Variants in CEP128 observed in about 807,000 individuals in gnomAD.
CEP128 encodes centrosomal protein 128, also known as centrosomal protein 128kDa.
Under a neutral mutation model 156.7 loss-of-function variants are expected in CEP128, and 132 were observed. That is an observed-to-expected ratio of 0.84 (90% CI 0.73 to 0.97). CEP128 has a LOEUF of 0.97. CEP128 is among the 50% of genes least tolerant of loss of function. CEP128 has a pLI of 0.00. For synonymous variants in CEP128, 469 were observed against 448.9 expected, an observed-to-expected ratio of 1.04 and a Z score of -0.57; for missense variants, 1,252 against 1,281.9, an observed-to-expected ratio of 0.98 and a Z score of 0.36.
chr14:80,481,498 A>G (rs1001286353), intron 14 of CEP128, among the ~76,000 whole-genome samples: 1 of 152,210 alleles, frequency 6.6e-6, no homozygotes, highest in African/African-American at 2.4e-5. Flanking sequence ...TAATTCAAAG[A>G]TGGTTTGGTC....
chr14:80,752,689 T>C (rs1899455405), intron 18 of CEP128, among the ~76,000 whole-genome samples: 1 of 152,220 alleles, frequency 6.6e-6, no homozygotes, highest in South Asian at 2.1e-4. Context: ...TATTCAAGTG[T>C]GGATTACACA....
chr14:80,558,666 A>G (rs980545581), intron 21 of CEP128, among the ~76,000 whole-genome samples: 1 of 152,098 alleles, frequency 6.6e-6, no homozygotes, highest in Admixed American at 6.5e-5. Flanking sequence ...CAAATGATCC[A>G]CCTGCCTCGG....
intron 24 of CEP128, among the ~76,000 whole-genome samples, chr14:80,502,663 G>T (rs372232934): frequency 1.8e-4 from 28 of 152,166 alleles, no homozygotes; most frequent in African/African-American, 6.7e-4. Flanking sequence ...CTTGTTAAAT[G>T]TAGTGGATTT....
At chr14:80,799,438 T>C (rs1370206819) in intron 13 of CEP128, among the ~76,000 whole-genome samples, 1 of 152,120 alleles carries the variant, frequency 6.6e-6, no homozygotes, top group Admixed American at 6.5e-5. Context: ...ATGAAATCAG[T>C]GCACCTTGAA....
chr14:80,810,323 C>CAAAAAAAA lies in CEP128; in HGVS notation c.1210-17221_1210-17214dup, dbSNP rs71103883. 5.9e-4 allele frequency among the ~76,000 whole-genome samples: 9 copies of CAAAAAAAA among 15,206 alleles called. 2 individuals carry two copies. Among genetic ancestry groups the CAAAAAAAA allele is most frequent in the African/African-American group, 1.1e-3 (5 of 4,604 alleles). The allele number at this position is 15,206 out of a possible 152,430, so 10.0% of individuals were successfully genotyped here. A position where few individuals can be genotyped will look rare whatever the true frequency, so the allele number is the denominator to read the frequency against. ...GGGCGACAGAGCAAGACTCCATCTC[C>CAAAAAAAA]AAAAAAAAAAAAAAAAAAAAAAAAA... is the stretch of plus-strand genomic sequence containing the variant. On this transcript the variant is annotated intron_variant, in intron 13 of 24. Transcript: ENST00000555265.
At position 80,663,377 on chromosome 14, in the gene CEP128, G is replaced by T. The variant is rs75541510; in HGVS notation, c.2806+79698C>A. Among the ~76,000 whole-genome samples, 5 of 152,276 alleles carry T rather than the reference G, an allele frequency of 3.3e-5. No individual in the cohort carries two copies. The East Asian group carries it at 9.7e-4, about 29-fold the overall frequency. On this transcript the variant is annotated intron_variant, in intron 19 of 24. Transcript: ENST00000555265. ...GACCAGGCAATATGATCCACCTCCAGGGAGAAGTAGCAAAAGTTTTCAAAA... is the reference window on the plus strand; with the variant it reads ...GACCAGGCAATATGATCCACCTCCATGGAGAAGTAGCAAAAGTTTTCAAAA...
chr14:80,912,186 C>T (rs192457959), intron 4 of CEP128, among the ~76,000 whole-genome samples: 2 of 148,026 alleles, frequency 1.4e-5, no homozygotes, highest in African/African-American at 5.0e-5. Context: ...CACTGCATTC[C>T]AATCTGGTGA....
At chr14:80,590,545 G>A (rs1437857733) in intron 19 of CEP128, among the ~76,000 whole-genome samples, 15 of 151,490 alleles carry the variant, frequency 9.9e-5, no homozygotes, top group Admixed American at 9.9e-4. Flanking sequence ...ACATTCCTAG[G>A]AAGAAAAATT....
At chr14:80,765,810 T>C (rs1900208656) in intron 16 of CEP128, among the ~76,000 whole-genome samples, 1 of 152,156 alleles carries the variant, frequency 6.6e-6, no homozygotes, top group South Asian at 2.1e-4. Flanking sequence ...CTACATAACT[T>C]GACTAAAGTG....
At chr14:80,763,619 G>T (rs969415539) in intron 16 of CEP128, among the ~76,000 whole-genome samples, 1 of 151,732 alleles carries the variant, frequency 6.6e-6, no homozygotes, top group South Asian at 2.1e-4. Context: ...AGTATATTAG[G>T]TATATCATAA....
intron 19 of CEP128, among the ~76,000 whole-genome samples, chr14:80,721,745 T>C (rs1897824760): frequency 6.6e-6 from 1 of 152,210 alleles, no homozygotes; most frequent in African/African-American, 2.4e-5. Flanking sequence ...CAAGTCAGGA[T>C]ATAAATAAAT....
intron 9 of CEP128, among the ~76,000 whole-genome samples, chr14:80,861,876 A>T (rs1162965997): frequency 1.3e-5 from 2 of 152,194 alleles, no homozygotes; most frequent in Admixed American, 1.3e-4. Context: ...TAATCAGTTG[A>T]CTTTAAGATT....
At chr14:80,477,521 C>T (rs540361429) in exon 15 of CEP128, 45 of 152,292 alleles carry the variant, frequency 3.0e-4, no homozygotes, top group African/African-American at 9.6e-4. Flanking sequence ...GTTATCTATA[C>T]ATCTAAACCA....
At chr14:80,847,704 G>A (rs970310110) in intron 9 of CEP128, among the ~76,000 whole-genome samples, 6 of 152,118 alleles carry the variant, frequency 3.9e-5, no homozygotes, top group African/African-American at 1.2e-4. Context: ...GCCATAAAGA[G>A]GTAATTATTT....
At chr14:80,913,749 T>A (rs1884384810) in intron 4 of CEP128, among the ~76,000 whole-genome samples, 1 of 151,918 alleles carries the variant, frequency 6.6e-6, no homozygotes, top group East Asian at 1.9e-4. Flanking sequence ...AGTGGTATAA[T>A]GGACAGTGGA....
chr14:80,602,486 A>G (rs1245305667), intron 19 of CEP128, among the ~76,000 whole-genome samples: 1 of 152,176 alleles, frequency 6.6e-6, no homozygotes, highest in Admixed American at 6.5e-5. Flanking sequence ...ATAAATTAAA[A>G]GGAGGCTGGG....
chr14:80,657,120 T>C (rs2140880428), intron 19 of CEP128, among the ~76,000 whole-genome samples: 1 of 152,034 alleles, frequency 6.6e-6, no homozygotes, highest in Non-Finnish European at 1.5e-5. Context: ...TAGCCATGCA[T>C]GGTGGTGGGT....
chr14:80,571,443 C>G (rs1009253572), intron 20 of CEP128, among the ~76,000 whole-genome samples: 3 of 152,158 alleles, frequency 2.0e-5, no homozygotes, highest in African/African-American at 4.8e-5. Flanking sequence ...TGCTAATAAG[C>G]CTTCACACAT....
chr14:80,749,640 G>A (rs1020064995), intron 18 of CEP128, among the ~76,000 whole-genome samples: 13 of 152,262 alleles, frequency 8.5e-5, no homozygotes, highest in Admixed American at 6.5e-4. Context: ...AGGGTAGTGG[G>A]AGAGGGAGGC....
Sources: allele counts gnomAD v4.1 joint callset (sites outside exome capture counted in the v4.1 genomes callset), GRCh38; gene constraint gnomAD v4.1.1; transcripts MANE v1.5; gene names NCBI Gene and HGNC (gene_info 2026-07-23, HGNC 2026-07-21).